Variants in PRRC2B observed in about 807,000 individuals in gnomAD.
PRRC2B encodes proline rich coiled-coil 2B.
In PRRC2B, 68 loss-of-function variants were observed where a neutral mutation model predicts 242.3. The observed-to-expected ratio is 0.28, with a 90% CI of 0.23 to 0.34. The LOEUF is 0.34. PRRC2B is among the 10% of genes least tolerant of loss of function. The pLI is 1.00. For synonymous variants in PRRC2B, 1,228 were observed against 1,173.6 expected, an observed-to-expected ratio of 1.05 and a Z score of -0.95; for missense variants, 2,835 against 2,954.8, an observed-to-expected ratio of 0.96 and a Z score of 0.94.
intron 1 of PRRC2B, 21 bp from the exon 2 acceptor site, chr9:131,430,073 T>C (rs1049714311): frequency 3.7e-5 from 26 of 697,242 alleles, no homozygotes; most frequent in South Asian, 3.1e-4. Flanking sequence ...TTTTTTTTTT[T>C]CTTCTCTATT....
intron 1 of PRRC2B, among the ~76,000 whole-genome samples, chr9:131,420,553 A>C (rs556731240): frequency 3.1e-5 from 4 of 129,036 alleles, no homozygotes; most frequent in Non-Finnish European, 6.3e-5. Context: ...AGTGCAGTGC[A>C]TGATCTCGGC....
Position 131,447,647 on chromosome 9 carries a change from CT to C in PRRC2B, c.978-11del, listed in dbSNP as rs1236783582. The C allele has an allele frequency of 1.3e-5, 21 of 1,574,982 alleles. No homozygotes were observed. Among genetic ancestry groups the C allele is most frequent in the Non-Finnish European group, 1.6e-5 (19 of 1,156,890 alleles). On this transcript the variant is annotated splice_polypyrimidine_tract_variant and intron_variant, in intron 8 of 31. Transcript: ENST00000683519. Reference sequence around the variant, plus strand: ...TGTATACTGGACATGATTCCATCATCTTTTCTTTTATCAGAAAAGAAAACAG... The same window carrying C: ...TGTATACTGGACATGATTCCATCATCTTTCTTTTATCAGAAAAGAAAACAG...
chr9:131,376,928 G>A (rs932510435), intron 1 of PRRC2B, among the ~76,000 whole-genome samples: 2 of 152,006 alleles, frequency 1.3e-5, no homozygotes, highest in African/African-American at 2.4e-5. Context: ...GATGGCTTGA[G>A]CGCAGGAGTT....
intron 28 of PRRC2B, among the ~76,000 whole-genome samples, chr9:131,489,259 A>C (rs987414809): frequency 2.1e-5 from 3 of 144,998 alleles, no homozygotes; most frequent in Non-Finnish European, 4.5e-5. Flanking sequence ...ATCTCGGCTC[A>C]CTGCAACCTC....
intron 1 of PRRC2B, 88 bp from the exon 2 acceptor site, chr9:131,430,006 C>T (rs762398746): frequency 2.7e-5 from 17 of 618,340 alleles, no homozygotes; most frequent in Middle Eastern, 2.9e-4. Context: ...GAAGGATTCA[C>T]TCCTCTGGAT....
chr9:131,425,662 T>G (rs897290127), intron 1 of PRRC2B, among the ~76,000 whole-genome samples: 2 of 151,424 alleles, frequency 1.3e-5, no homozygotes, highest in Non-Finnish European at 1.5e-5. Flanking sequence ...TCATTTTTTT[T>G]GTATTATTAG....
chr9:131,454,711 C>T (rs1296082320), intron 9 of PRRC2B, among the ~76,000 whole-genome samples: 1 of 152,044 alleles, frequency 6.6e-6, no homozygotes. Context: ...TCTCGGCTCA[C>T]TGCAACCTCT....
chr9:131,436,366 C>CAA (rs1025582135), intron 3 of PRRC2B, among the ~76,000 whole-genome samples: 1 of 151,104 alleles, frequency 6.6e-6, no homozygotes, highest in Non-Finnish European at 1.5e-5. Context: ...CCCCCTGTCT[C>CAA]AAAAAAAAGA....
At chr9:131,382,316 C>A (rs1267970616) in intron 1 of PRRC2B, among the ~76,000 whole-genome samples, 1 of 152,152 alleles carries the variant, frequency 6.6e-6, no homozygotes, top group Non-Finnish European at 1.5e-5. Context: ...CAAGCTGGAC[C>A]AGAGTTTCCA....
intron 1 of PRRC2B, among the ~76,000 whole-genome samples, chr9:131,406,590 C>G (rs1314850908): frequency 1.3e-5 from 2 of 152,136 alleles, no homozygotes; most frequent in African/African-American, 2.4e-5. Flanking sequence ...ATGTCTTTTG[C>G]TCCTTTAAGT....
At chr9:131,449,975 A>G (rs771825200) in intron 9 of PRRC2B, among the ~76,000 whole-genome samples, 3 of 152,176 alleles carry the variant, frequency 2.0e-5, no homozygotes, top group Non-Finnish European at 4.4e-5. Flanking sequence ...ATAAGACTTC[A>G]CTTTCCCTAT....
At chr9:131,411,112 C>G (rs1588240175) in intron 1 of PRRC2B, among the ~76,000 whole-genome samples, 1 of 151,708 alleles carries the variant, frequency 6.6e-6, no homozygotes, top group Admixed American at 6.6e-5. Flanking sequence ...AAAGAATTAG[C>G]TGGGGGTGGT....
At chr9:131,448,570 A>AAAAAAAAAAAAAAAAAAAAAAAAAAAG (rs1838902755) in intron 9 of PRRC2B, among the ~76,000 whole-genome samples, 1 of 140,434 alleles carries the variant, frequency 7.1e-6, no homozygotes, top group African/African-American at 2.6e-5. Flanking sequence ...AAAAAAAAAA[A>AAAAAAAAAAAAAAAAAAAAAAAAAAAG]GGAAAGAGAA....
At chr9:131,410,333 A>G (rs1458468995) in intron 1 of PRRC2B, among the ~76,000 whole-genome samples, 1 of 152,192 alleles carries the variant, frequency 6.6e-6, no homozygotes, top group African/African-American at 2.4e-5. Context: ...GTATTAGAGT[A>G]AAGATAACAG....
chr9:131,374,184 C>A (rs1368004273), intron 1 of PRRC2B, among the ~76,000 whole-genome samples: 1 of 152,048 alleles, frequency 6.6e-6, no homozygotes, highest in East Asian at 1.9e-4. Context: ...ACATATACCC[C>A]CCAAATAAGA....
chr9:131,472,306 T>G (rs72772619), intron 14 of PRRC2B, among the ~76,000 whole-genome samples: 9,853 of 151,586 alleles, frequency 0.065, 430 homozygotes, highest in Non-Finnish European at 0.092. Context: ...GGATGATGAT[T>G]ATTATTATTA....
chr9:131,438,820 G>A (rs1015399466), intron 4 of PRRC2B, among the ~76,000 whole-genome samples, 169 bp from the exon 5 acceptor site: 3 of 152,136 alleles, frequency 2.0e-5, no homozygotes, highest in Admixed American at 6.6e-5. Context: ...TGGAGTGTGC[G>A]TTACAGGGAA....
intron 1 of PRRC2B, among the ~76,000 whole-genome samples, chr9:131,398,832 G>A (rs934593039): frequency 2.0e-5 from 3 of 152,118 alleles, no homozygotes; most frequent in African/African-American, 7.2e-5. Flanking sequence ...GAAAAAATTA[G>A]TAGGGTATAG....
chr9:131,487,326 A>C lies in PRRC2B; in HGVS notation c.5984+32A>C, dbSNP rs769597929. The C allele has an allele frequency of 3.2e-6, 5 of 1,543,908 alleles. No individual in the cohort carries two copies. In the African/African-American group the frequency reaches 6.8e-5, roughly 21 times the overall value. On this transcript the variant is annotated intron_variant, in intron 27 of 31. Coordinates refer to ENST00000683519, the MANE Select transcript of PRRC2B (RefSeq NM_013318.4). This position sits in a 1 kb window ranked among gnomAD's most constrained non-coding sequence, Gnocchi z 5.3. ...TCATGTACCAGCTTGCGGAGCTGGCAGCTCACAGCCAGGGCCTTGGCCCTG... is the reference window on the plus strand; with the variant it reads ...TCATGTACCAGCTTGCGGAGCTGGCCGCTCACAGCCAGGGCCTTGGCCCTG...
Sources: gnomAD v4.1 joint callset for allele counts (sites outside exome capture counted in the v4.1 genomes callset) on GRCh38, gnomAD v4.1.1 for gene constraint, Gnocchi (gnomAD v3.1) non-coding constraint, MANE v1.5 for transcripts, NCBI Gene and HGNC (gene_info 2026-07-23, HGNC 2026-07-21) for gene names.